PCDHGA2: variants seen among roughly 807,000 people sequenced by gnomAD.
PCDHGA2 encodes protocadherin gamma-A2.
PCDHGA2 carries 40 observed loss-of-function variants against 59.2 expected under a neutral mutation model. The ratio of observed to expected loss-of-function variants is 0.68; its 90% CI spans 0.52 to 0.88. The LOEUF is 0.88. PCDHGA2 is among the 40% of genes least tolerant of loss of function. The pLI is 0.00. For synonymous variants in PCDHGA2, 560 were observed against 526.0 expected (o/e 1.06, Z -0.89); for missense variants, 1,226 against 1,204.0 (o/e 1.02, Z -0.27).
chr5:141,357,700 A>G (rs1760703267), intron 1 of PCDHGA2: 1 of 1,495,926 alleles, frequency 6.7e-7, no homozygotes, highest in Non-Finnish European at 9.0e-7. Context: ...TTTTATATGT[A>G]ATATATCAAA....
chr5:141,398,505 T>A (rs1561664724), intron 1 of PCDHGA2: 7 of 1,598,768 alleles, frequency 4.4e-6, no homozygotes, highest in Non-Finnish European at 6.0e-6. Context: ...TCGAGGACAT[T>A]AATGACCACA....
At chr5:141,384,090 A>T in intron 1 of PCDHGA2, 3 of 1,596,410 alleles carry the variant, frequency 1.9e-6, no homozygotes, top group Non-Finnish European at 2.6e-6. Flanking sequence ...TAGAAAAATC[A>T]ATAGATAATT....
intron 2 of PCDHGA2, among the ~76,000 whole-genome samples, chr5:141,504,750 A>C (rs921495017): frequency 6.6e-6 from 1 of 151,894 alleles, no homozygotes; most frequent in Admixed American, 6.5e-5. Context: ...ATTGAATTTT[A>C]GAAATTTCTT....
At chr5:141,402,796 A>C in intron 1 of PCDHGA2, 1 of 1,040,680 alleles carries the variant, frequency 9.6e-7, no homozygotes, top group South Asian at 2.0e-5. Flanking sequence ...GGCTACACAA[A>C]ACCCGGCAGA....
chr5:141,379,520 C>T (rs1262594059), intron 1 of PCDHGA2: 1 of 152,194 alleles, frequency 6.6e-6, no homozygotes, highest in East Asian at 1.9e-4. Context: ...ACATCTTGAG[C>T]ATTTGTTGTT....
intron 1 of PCDHGA2, among the ~76,000 whole-genome samples, chr5:141,450,093 G>A (rs1330425383): frequency 2.8e-5 from 4 of 143,748 alleles, no homozygotes; most frequent in East Asian, 2.1e-4. Context: ...TGCAACCTCC[G>A]CCTCCCAGGT....
At chr5:141,345,170 T>C (rs1223541930) in intron 1 of PCDHGA2, 8 of 1,613,882 alleles carry the variant, frequency 5.0e-6, no homozygotes, top group East Asian at 2.2e-5. Flanking sequence ...CTGGGCAGAA[T>C]GGGCAGGTTG....
At chr5:141,351,774 C>G (rs1758816161) in intron 1 of PCDHGA2, 4 of 1,613,410 alleles carry the variant, frequency 2.5e-6, no homozygotes, top group Non-Finnish European at 3.4e-6. Flanking sequence ...TCCGTGAGCC[C>G]GCAGAGCGGG....
rs527641698 is a variant in PCDHGA2 at position 141,410,317 on chromosome 5, C to G, written c.2424+68922C>G. The G allele has an allele frequency of 2.5e-6, 4 of 1,613,892 alleles. No homozygotes were observed. In the East Asian group the frequency reaches 6.7e-5, roughly 27 times the overall value. ...CCTTAATCTCAGTGCTCTTCCTCCT[C>G]GCCGTGATTCTGGCCATTGCCTTGC... On this transcript the variant is annotated intron_variant, in intron 1 of 3. Transcript: ENST00000394576.
At chr5:141,504,660 C>T (rs1002186811) in intron 2 of PCDHGA2, among the ~76,000 whole-genome samples, 8 of 101,980 alleles carry the variant, frequency 7.8e-5, no homozygotes, top group Admixed American at 5.7e-4. Flanking sequence ...TGTTTGAGGG[C>T]GGGGGGTGGG....
At chr5:141,448,730 G>A (rs1419700194) in intron 1 of PCDHGA2, among the ~76,000 whole-genome samples, 1 of 152,072 alleles carries the variant, frequency 6.6e-6, no homozygotes, top group African/African-American at 2.4e-5. Context: ...CACGAGGTCA[G>A]GAGATCGAGA....
At chr5:141,464,870 C>G (rs1488189681) in intron 1 of PCDHGA2, among the ~76,000 whole-genome samples, 1 of 152,126 alleles carries the variant, frequency 6.6e-6, no homozygotes, top group Non-Finnish European at 1.5e-5. Flanking sequence ...TCCCAAGTAG[C>G]TAGGACTACA....
chr5:141,352,666 G>A lies in PCDHGA2; in HGVS notation c.2424+11271G>A, dbSNP rs773765365. On this transcript the variant is annotated intron_variant, in intron 1 of 3. Transcript: ENST00000394576. ...TCGCTTATGACCCTTCTTTGTCTTC[G>A]CACGTGAGTTTCTGCAAATCTAGTT... 7.6e-6 allele frequency: 12 copies of A among 1,585,710 alleles called. No individual in the cohort carries two copies. In the Admixed American group the frequency reaches 9.1e-5, roughly 12 times the overall value.
At chr5:141,363,643 A>G (rs193285139) in intron 1 of PCDHGA2, among the ~76,000 whole-genome samples, 2 of 152,388 alleles carry the variant, frequency 1.3e-5, no homozygotes, top group Non-Finnish European at 2.9e-5. Flanking sequence ...CCTCACAAGT[A>G]ACAAAGATCT....
rs1762616469 is a variant in PCDHGA2 at position 141,362,659 on chromosome 5, C to T, written c.2424+21264C>T. ...TCTTTGTCTGTGAGTTAGATTTGGC[C>T]AATGTTGTGCCTTAATTGTCTTAAT... On this transcript the variant is annotated intron_variant, in intron 1 of 3. Transcript: ENST00000394576. 3.0e-6 allele frequency: 4 copies of T among 1,352,230 alleles called. No individual in the cohort carries two copies. In the African/African-American group the frequency reaches 4.4e-5, roughly 15 times the overall value. The allele number at this position is 1,352,230 out of a possible 1,614,324, so 83.8% of individuals were successfully genotyped here. A position where few individuals can be genotyped will look rare whatever the true frequency, so the allele number is the denominator to read the frequency against.
At chr5:141,347,103 C>G (rs1279523001) in intron 1 of PCDHGA2, among the ~76,000 whole-genome samples, 1 of 146,280 alleles carries the variant, frequency 6.8e-6, no homozygotes, top group African/African-American at 2.5e-5. Context: ...TCCTTCCTCT[C>G]TCTCTTTCCT....
At chr5:141,419,543 G>T (rs573594140) in intron 1 of PCDHGA2, 1 of 1,612,106 alleles carries the variant, frequency 6.2e-7, no homozygotes, top group East Asian at 2.2e-5. Flanking sequence ...CGCACCGCGG[G>T]TGCTGTACCC....
At chr5:141,372,747 G>C (rs749618566) in intron 1 of PCDHGA2, 2 of 1,613,418 alleles carry the variant, frequency 1.2e-6, no homozygotes, top group Non-Finnish European at 1.7e-6. Flanking sequence ...ATGTGATGAA[G>C]CCTCTTGGTT....
At chr5:141,375,453 A>C in intron 1 of PCDHGA2, 1 of 1,613,612 alleles carries the variant, frequency 6.2e-7, no homozygotes, top group South Asian at 1.1e-5. Flanking sequence ...CATTCATCCT[A>C]CTCAGTCTAT....
Sources: gnomAD v4.1 joint callset for allele counts (sites outside exome capture counted in the v4.1 genomes callset) on GRCh38, gnomAD v4.1.1 for gene constraint, MANE v1.5 for transcripts, NCBI Gene and HGNC (gene_info 2026-07-23, HGNC 2026-07-21) for gene names.